The following KIAA0319L variants were observed in gnomAD, a reference collection of about 807,000 sequenced individuals.
The protein encoded by KIAA0319L is dyslexia-associated protein KIAA0319-like protein.
In KIAA0319L, 55 loss-of-function variants were observed where a neutral mutation model predicts 120.1. The observed-to-expected ratio is 0.46, with a 90% CI of 0.37 to 0.57. KIAA0319L has a LOEUF of 0.57. Ranked by LOEUF, KIAA0319L falls within the 20% of genes least tolerant of loss-of-function variation. The pLI is 0.00. For missense variants in KIAA0319L, 1,049 were observed against 1,255.3 expected (o/e 0.84, Z 2.48); for synonymous variants, 398 against 471.9 (o/e 0.84, Z 2.03).
intron 5 of KIAA0319L, among the ~76,000 whole-genome samples, chr1:35,474,382 T>G (rs1643823257): frequency 6.6e-6 from 1 of 152,188 alleles, no homozygotes; most frequent in Non-Finnish European, 1.5e-5. Context: ...CAAAATGAGA[T>G]AGTAGATAAG....
chr1:35,450,116 C>T (rs1389349933), intron 14 of KIAA0319L, 111 bp from the exon 15 acceptor site: 2 of 1,340,716 alleles, frequency 1.5e-6, no homozygotes, highest in African/African-American at 2.9e-5. Context: ...CTGTTTCAAC[C>T]TTGGGCAGTT....
At chr1:35,524,098 A>G (rs1198399024) in intron 2 of KIAA0319L, among the ~76,000 whole-genome samples, 1 of 152,234 alleles carries the variant, frequency 6.6e-6, no homozygotes, top group Non-Finnish European at 1.5e-5. Flanking sequence ...AAAAGCTCTG[A>G]GGCAAATCAT....
At chr1:35,457,776 G>T (rs917784616) in intron 9 of KIAA0319L, among the ~76,000 whole-genome samples, 9 of 152,176 alleles carry the variant, frequency 5.9e-5, no homozygotes, top group African/African-American at 2.2e-4. Flanking sequence ...TTTACCTATG[G>T]TGTGAAGGGG....
intron 2 of KIAA0319L, among the ~76,000 whole-genome samples, chr1:35,539,259 G>A (rs960896335): frequency 2.6e-5 from 4 of 152,314 alleles, no homozygotes; most frequent in African/African-American, 4.8e-5. Context: ...GCTTGGGAAC[G>A]GAAAGGAGGG....
intron 2 of KIAA0319L, among the ~76,000 whole-genome samples, chr1:35,526,357 G>GTATA (rs1214425726): frequency 3.6e-5 from 5 of 137,646 alleles, no homozygotes; most frequent in Non-Finnish European, 7.8e-5. Flanking sequence ...GTGTGTGTGT[G>GTATA]TATATATATA....
chr1:35,538,755 G>A (rs140044014), intron 2 of KIAA0319L, among the ~76,000 whole-genome samples: 64 of 152,004 alleles, frequency 4.2e-4, no homozygotes, highest in Admixed American at 1.1e-3. Context: ...CATATTGTTT[G>A]GTTTATTTAT....
chr1:35,515,711 T>G (rs1645652136), intron 2 of KIAA0319L, among the ~76,000 whole-genome samples: 1 of 151,766 alleles, frequency 6.6e-6, no homozygotes. Context: ...AAATCGGAGC[T>G]GAATTGAAGG....
rs751183160 is a variant in KIAA0319L at position 35,442,923 on chromosome 1, T to C, written c.2762A>G (p.Asp921Gly). 6.2e-7 allele frequency: 1 copy of C among 1,614,202 alleles called. No homozygotes were observed. The highest frequency in any genetic ancestry group is 8.5e-7 in the Non-Finnish European group (1 of 1,180,032). Residue 921 changes from aspartate to glycine, a missense_variant, in exon 18 of 21, where the codon GAT (aspartate) becomes GGT (glycine). By Grantham distance (94) the Asp-to-Gly change is moderately conservative. Coordinates refer to ENST00000325722, the MANE Select transcript of KIAA0319L (RefSeq NM_024874.5). ...MENFIKVQLR[D>G]GDSNCEWSVL... ...AAACTCACCACAGTTGCTGTCTCCATCCCTCAGCTGCACCTTGATGAAATT... is the reference window on the plus strand; with the variant it reads ...AAACTCACCACAGTTGCTGTCTCCACCCCTCAGCTGCACCTTGATGAAATT...
intron 2 of KIAA0319L, among the ~76,000 whole-genome samples, chr1:35,516,257 C>T (rs1438036638): frequency 6.6e-6 from 1 of 152,114 alleles, no homozygotes; most frequent in Non-Finnish European, 1.5e-5. Context: ...AGAAAGAAAA[C>T]TTCAGGCCAA....
At chr1:35,531,378 G>A (rs1222475459) in intron 2 of KIAA0319L, among the ~76,000 whole-genome samples, 3 of 152,192 alleles carry the variant, frequency 2.0e-5, no homozygotes, top group East Asian at 3.8e-4. Flanking sequence ...AGCCCTCTAG[G>A]CAGATACGAG....
chr1:35,460,646 T>TC (rs1211786806), intron 8 of KIAA0319L, among the ~76,000 whole-genome samples: 1 of 152,148 alleles, frequency 6.6e-6, no homozygotes, highest in Non-Finnish European at 1.5e-5. Flanking sequence ...TTCCAAGAAC[T>TC]CCAACACAGG....
At chr1:35,489,044 A>T (rs749296308) in intron 3 of KIAA0319L, among the ~76,000 whole-genome samples, 1 of 152,248 alleles carries the variant, frequency 6.6e-6, no homozygotes, top group African/African-American at 2.4e-5. Context: ...AATGAGCATC[A>T]AGTTCTGAGA....
intron 2 of KIAA0319L, among the ~76,000 whole-genome samples, chr1:35,518,658 C>G (rs1190657807): frequency 6.6e-6 from 1 of 152,060 alleles, no homozygotes; most frequent in Non-Finnish European, 1.5e-5. Context: ...CCCTGTGACA[C>G]GAGTTTACTT....
chr1:35,491,543 C>T (rs1002222431), intron 3 of KIAA0319L, among the ~76,000 whole-genome samples: 5 of 151,988 alleles, frequency 3.3e-5, no homozygotes, highest in African/African-American at 1.2e-4. Context: ...GACATTGACA[C>T]AGTATCTCGA....
intron 3 of KIAA0319L, among the ~76,000 whole-genome samples, chr1:35,501,160 T>C (rs1301243279): frequency 6.6e-6 from 1 of 152,168 alleles, no homozygotes; most frequent in Non-Finnish European, 1.5e-5. Flanking sequence ...TGCCCACTAA[T>C]GGTAAACTAG....
At chr1:35,525,184 CT>C (rs1558590143) in intron 2 of KIAA0319L, among the ~76,000 whole-genome samples, 1 of 152,122 alleles carries the variant, frequency 6.6e-6, no homozygotes, top group African/African-American at 2.4e-5. Flanking sequence ...CAATTTCATT[CT>C]TTTTTAAGGC....
At position 35,507,137 on chromosome 1, in the gene KIAA0319L, T is replaced by TA. The variant is rs1323833662; in HGVS notation, c.143-3dup. 6.6e-7 allele frequency: 1 copy of TA among 1,515,786 alleles called. No homozygotes were observed. Among genetic ancestry groups the TA allele is most frequent in the Non-Finnish European group, 8.8e-7 (1 of 1,133,620 alleles). 93.9% of individuals were successfully genotyped at this position (1,515,786 alleles called of 1,614,324 possible). A position where few individuals can be genotyped will look rare whatever the true frequency, so the allele number is the denominator to read the frequency against. On this transcript the variant is annotated splice_region_variant and splice_polypyrimidine_tract_variant and intron_variant, in intron 2 of 20. Coordinates refer to ENST00000325722, the MANE Select transcript of KIAA0319L (RefSeq NM_024874.5). ...GCTGGCACCTGCTCTCACTGGCATCTAAAAACAAAGAATGAAAACATTTTC... is the reference window on the plus strand; with the variant it reads ...GCTGGCACCTGCTCTCACTGGCATCTAAAAAACAAAGAATGAAAACATTTTC...
chr1:35,455,895 C>T, intron 10 of KIAA0319L, 118 bp downstream of exon 10: 1 of 784,108 alleles, frequency 1.3e-6, no homozygotes, highest in Non-Finnish European at 2.1e-6. Context: ...AAGATTTTTG[C>T]TACCACGTTA....
chr1:35,540,331 A>G (rs1312803391), intron 2 of KIAA0319L, among the ~76,000 whole-genome samples: 1 of 152,248 alleles, frequency 6.6e-6, no homozygotes, highest in Admixed American at 6.5e-5. Context: ...CAAGATTTAT[A>G]TAATTGGTGC....
Sources: gnomAD v4.1 joint callset for allele counts (sites outside exome capture counted in the v4.1 genomes callset) on GRCh38, gnomAD v4.1.1 for gene constraint, MANE v1.5 for transcripts, NCBI Gene and HGNC (gene_info 2026-07-23, HGNC 2026-07-21) for gene names.